SUGCT: variants seen among roughly 807,000 people sequenced by gnomAD.
The protein encoded by SUGCT is succinyl-CoA:glutarate-CoA transferase.
In SUGCT, 41 loss-of-function variants were observed where a neutral mutation model predicts 55.0. The observed-to-expected ratio is 0.74, with a 90% confidence interval of 0.58 to 0.97. SUGCT has a LOEUF of 0.97. Among genes scored for constraint, SUGCT ranks in the 50% least tolerant of loss-of-function variants. The pLI is 0.00. For synonymous variants in SUGCT, 187 were observed against 200.4 expected (o/e 0.93, Z 0.56); for missense variants, 568 against 547.8 (o/e 1.04, Z -0.37).
At chr7:40,572,259 A>G (rs1227086364) in intron 12 of SUGCT, among the ~76,000 whole-genome samples, 5 of 152,190 alleles carry the variant, frequency 3.3e-5, no homozygotes, top group Non-Finnish European at 5.9e-5. Context: ...TCAGGGGGGA[A>G]AAAGAAAATT....
intron 12 of SUGCT, among the ~76,000 whole-genome samples, chr7:40,619,806 G>C (rs2151789113): frequency 6.6e-6 from 1 of 152,254 alleles, no homozygotes; most frequent in Middle Eastern, 3.4e-3. Flanking sequence ...TTAAAAGAGG[G>C]CTGATAGTTT....
intron 12 of SUGCT, among the ~76,000 whole-genome samples, chr7:40,591,336 G>T (rs1174482786): frequency 1.3e-5 from 2 of 152,224 alleles, no homozygotes; most frequent in African/African-American, 4.8e-5. Flanking sequence ...AGTGGAGCCT[G>T]AAGATGTCAC....
intron 12 of SUGCT, among the ~76,000 whole-genome samples, chr7:40,690,460 A>C (rs903269215): frequency 6.6e-6 from 1 of 152,178 alleles, no homozygotes; most frequent in African/African-American, 2.4e-5. Context: ...AATTATATTA[A>C]TAGGTATATT....
At chr7:40,441,195 T>G (rs1348368713) in intron 9 of SUGCT, among the ~76,000 whole-genome samples, 1 of 152,288 alleles carries the variant, frequency 6.6e-6, no homozygotes, top group African/African-American at 2.4e-5. Context: ...AAAATAATTT[T>G]AAAGGTAAGT....
chr7:40,500,675 A>C (rs561842083), intron 12 of SUGCT, among the ~76,000 whole-genome samples: 1 of 152,304 alleles, frequency 6.6e-6, no homozygotes, highest in African/African-American at 2.4e-5. Flanking sequence ...TTATTTGTAT[A>C]AGCTTTTGAA....
chr7:40,371,945 A>AACAC (rs137960410), intron 9 of SUGCT, among the ~76,000 whole-genome samples: 81 of 147,792 alleles, frequency 5.5e-4, no homozygotes, highest in South Asian at 2.1e-3. Flanking sequence ...ATACATCTCG[A>AACAC]ACACACACAC....
At chr7:40,321,094 T>G (rs1400935296) in intron 9 of SUGCT, among the ~76,000 whole-genome samples, 4 of 134,126 alleles carry the variant, frequency 3.0e-5, no homozygotes, top group Non-Finnish European at 6.6e-5. Context: ...TTTTTTTTTT[T>G]GAAGTGGAGT....
chr7:40,644,473 G>C (rs977765224), intron 12 of SUGCT, among the ~76,000 whole-genome samples: 1 of 152,130 alleles, frequency 6.6e-6, no homozygotes, highest in Non-Finnish European at 1.5e-5. Context: ...ACAACCCTGT[G>C]GGCCACCATG....
chr7:40,485,478 T>C (rs1791287583), intron 11 of SUGCT, among the ~76,000 whole-genome samples: 1 of 144,110 alleles, frequency 6.9e-6, no homozygotes, highest in Non-Finnish European at 1.5e-5. Flanking sequence ...CAGGCTGGAA[T>C]GTAGTGGCAT....
At chr7:40,562,172 G>T (rs900123156) in intron 12 of SUGCT, among the ~76,000 whole-genome samples, 2 of 151,896 alleles carry the variant, frequency 1.3e-5, no homozygotes, top group South Asian at 2.1e-4. Flanking sequence ...GGTGGTGGGT[G>T]CCTGTAGTCC....
chr7:40,841,873 C>T (rs545514460), intron 13 of SUGCT, among the ~76,000 whole-genome samples: 9 of 152,212 alleles, frequency 5.9e-5, no homozygotes, highest in African/African-American at 2.2e-4. Flanking sequence ...GTGAATATTA[C>T]TCGTGTATTT....
intron 12 of SUGCT, among the ~76,000 whole-genome samples, chr7:40,578,105 G>T (rs1470389909): frequency 6.6e-6 from 1 of 152,122 alleles, no homozygotes; most frequent in African/African-American, 2.4e-5. Context: ...ATCATGTAGA[G>T]GGGCTGTAAT....
intron 5 of SUGCT, among the ~76,000 whole-genome samples, chr7:40,190,978 G>C (rs1785867232): frequency 6.6e-6 from 1 of 152,118 alleles, no homozygotes; most frequent in Non-Finnish European, 1.5e-5. Flanking sequence ...TTGTTCAAGG[G>C]CCAACTGTAC....
intron 12 of SUGCT, among the ~76,000 whole-genome samples, chr7:40,548,182 CTTTCTTTTT>C (rs996249501): frequency 8.4e-6 from 1 of 119,020 alleles, no homozygotes; most frequent in African/African-American, 3.3e-5. Flanking sequence ...TCTTTTCTTT[CTTTCTTTTT>C]TTTTTTTTTT....
intron 9 of SUGCT, among the ~76,000 whole-genome samples, chr7:40,447,308 CAG>C (rs1342095582): frequency 6.6e-6 from 1 of 152,126 alleles, no homozygotes; most frequent in Non-Finnish European, 1.5e-5. Flanking sequence ...AGACCAAAGA[CAG>C]ATGCTTAAGG....
chr7:40,952,339 A>T, the SUGCT span, among the ~76,000 whole-genome samples: 1 of 152,094 alleles, frequency 6.6e-6, no homozygotes. Flanking sequence ...TTTTGAGCCT[A>T]TGTGTGTTTC....
intron 12 of SUGCT, among the ~76,000 whole-genome samples, chr7:40,523,341 A>C (rs955999252): frequency 7.2e-5 from 11 of 152,100 alleles, no homozygotes; most frequent in Non-Finnish European, 1.3e-4. Flanking sequence ...AATAATTAGA[A>C]AGTCTTATGG....
the SUGCT span, among the ~76,000 whole-genome samples, chr7:40,946,448 AC>A: frequency 6.6e-6 from 1 of 152,172 alleles, no homozygotes; most frequent in African/African-American, 2.4e-5. Flanking sequence ...AAGAAGGAGT[AC>A]AACTGCCTCT....
At chr7:40,953,426 TTGTC>T in the SUGCT span, among the ~76,000 whole-genome samples, 1 of 152,214 alleles carries the variant, frequency 6.6e-6, no homozygotes, top group Non-Finnish European at 1.5e-5. Context: ...AGACGTTTGA[TTGTC>T]TGAAGCCTTC....
Sources: allele counts gnomAD v4.1 joint callset (sites outside exome capture counted in the v4.1 genomes callset), GRCh38; gene constraint gnomAD v4.1.1; transcripts MANE v1.5; gene names NCBI Gene and HGNC (gene_info 2026-07-23, HGNC 2026-07-21).